ADD1: variants seen among roughly 807,000 people sequenced by gnomAD.
ADD1 encodes the protein adducin 1, also known as alpha-adducin.
In ADD1, 24 loss-of-function variants were observed where a neutral mutation model predicts 80.5. The observed-to-expected ratio is 0.30, with a 90% CI of 0.22 to 0.42. ADD1 has a LOEUF of 0.42. Among genes scored for constraint, ADD1 ranks in the 10% least tolerant of loss-of-function variants. The pLI is 1.00. For synonymous variants in ADD1, 373 were observed against 393.8 expected, an observed-to-expected ratio of 0.95 and a Z score of 0.63; for missense variants, 948 against 1,019.0, an observed-to-expected ratio of 0.93 and a Z score of 0.95.
At chr4:2,852,329 C>CTT (rs869236781) in intron 1 of ADD1, among the ~76,000 whole-genome samples, 6 of 44,668 alleles carry the variant, frequency 1.3e-4, no homozygotes, top group Non-Finnish European at 2.1e-4. Context: ...TCTTTTCTTT[C>CTT]TTTTTTTTTT....
At chr4:2,877,783 G>A (rs951639182) in intron 2 of ADD1, among the ~76,000 whole-genome samples, 1 of 152,240 alleles carries the variant, frequency 6.6e-6, no homozygotes, top group East Asian at 1.9e-4. Flanking sequence ...CCAGGAGTTC[G>A]AGACCAGCCT....
intron 9 of ADD1, 125 bp downstream of exon 9, chr4:2,899,560 TGAA>T: frequency 9.5e-7 from 1 of 1,047,338 alleles, no homozygotes; most frequent in African/African-American, 1.6e-5. Context: ...TTCAAAGTCA[TGAA>T]GAAGCACTAG....
At chr4:2,928,071 A>G (rs1712195094) in intron 15 of ADD1, 100 bp from the exon 16 acceptor site, 2 of 1,055,306 alleles carry the variant, frequency 1.9e-6, no homozygotes, top group Non-Finnish European at 1.4e-6. Flanking sequence ...CTGTAGAGTA[A>G]AATAAAATGG....
intron 10 of ADD1, among the ~76,000 whole-genome samples, chr4:2,906,201 C>T (rs36086016): frequency 6.6e-6 from 1 of 152,166 alleles, no homozygotes; most frequent in Non-Finnish European, 1.5e-5. Context: ...GAGAAGCCTC[C>T]GTGCTCCTGA....
At chr4:2,876,618 C>T (rs747587317) in intron 2 of ADD1, among the ~76,000 whole-genome samples, 6 of 151,924 alleles carry the variant, frequency 3.9e-5, no homozygotes, top group African/African-American at 7.3e-5. Context: ...GGGTGGATCA[C>T]GAGGTCAGGA....
chr4:2,890,738 G>A (rs930312337), intron 4 of ADD1, among the ~76,000 whole-genome samples: 3 of 152,050 alleles, frequency 2.0e-5, no homozygotes, highest in Non-Finnish European at 2.9e-5. Flanking sequence ...TAAGCTAATT[G>A]ATAGATACAT....
intron 1 of ADD1, among the ~76,000 whole-genome samples, chr4:2,852,181 T>TTTCTTC (rs1560138062): frequency 1.8e-5 from 1 of 55,862 alleles, no homozygotes; most frequent in South Asian, 7.7e-4. Flanking sequence ...TTTCTTTCTT[T>TTTCTTC]CTTTCTTTCT....
chr4:2,848,305 T>C (rs1034360779), intron 1 of ADD1, among the ~76,000 whole-genome samples: 5 of 152,122 alleles, frequency 3.3e-5, no homozygotes, highest in African/African-American at 1.2e-4. Context: ...CCTTTCTACA[T>C]TGAGGAACCT....
intron 2 of ADD1, among the ~76,000 whole-genome samples, chr4:2,877,898 C>T (rs936710516): frequency 1.3e-5 from 2 of 152,194 alleles, no homozygotes; most frequent in Non-Finnish European, 2.9e-5. Flanking sequence ...ATCACTCAAG[C>T]TGAGGCTGCA....
chr4:2,862,264 G>T (rs572903996), intron 1 of ADD1, among the ~76,000 whole-genome samples: 1 of 152,180 alleles, frequency 6.6e-6, no homozygotes, highest in African/African-American at 2.4e-5. Flanking sequence ...AAGTGAATGC[G>T]CTCAGAAGGA....
intron 4 of ADD1, among the ~76,000 whole-genome samples, chr4:2,885,797 A>T (rs1242713845): frequency 6.6e-6 from 1 of 151,920 alleles, no homozygotes; most frequent in East Asian, 1.9e-4. Context: ...TTTTTAGTAG[A>T]GACGGGGTTT....
intron 11 of ADD1, 99 bp downstream of exon 11, chr4:2,907,943 A>C: frequency 2.2e-6 from 2 of 912,694 alleles, no homozygotes; most frequent in East Asian, 2.4e-5. Context: ...AGCAGAGGGC[A>C]TCTGCTGTTG....
chr4:2,922,545 C>A (rs563900747), intron 14 of ADD1, among the ~76,000 whole-genome samples: 1 of 152,362 alleles, frequency 6.6e-6, no homozygotes, highest in South Asian at 2.1e-4. Context: ...CAGATGCCAG[C>A]TGGAGCTCTC....
chr4:2,892,424 T>TG (rs1188457476), intron 4 of ADD1, among the ~76,000 whole-genome samples: 1 of 152,188 alleles, frequency 6.6e-6, no homozygotes, highest in African/African-American at 2.4e-5. Flanking sequence ...AGCATATGCT[T>TG]GATGCATAGT....
chr4:2,915,129 G>A, intron 14 of ADD1, 89 bp downstream of exon 14: 1 of 1,405,898 alleles, frequency 7.1e-7, no homozygotes, highest in Non-Finnish European at 9.5e-7. Context: ...GCTGTGGGTG[G>A]TGATAAGAAT....
At chr4:2,915,779 G>A (rs1026100402) in intron 14 of ADD1, among the ~76,000 whole-genome samples, 6 of 152,174 alleles carry the variant, frequency 3.9e-5, no homozygotes, top group Non-Finnish European at 8.8e-5. Flanking sequence ...AGCCGAGATC[G>A]TGCCATTGCA....
At chr4:2,874,604 CA>C (rs576430508) in intron 1 of ADD1, among the ~76,000 whole-genome samples, 29,559 of 97,850 alleles carry the variant, frequency 0.3, 3,205 homozygotes, top group Middle Eastern at 0.42. Context: ...GAGACTGTCT[CA>C]AAAAAAAAAA....
Position 2,884,032 on chromosome 4 carries a change from A to G in ADD1, c.359-483A>G, listed in dbSNP as rs149738719. ...TCTGGCTAGAGGTTTATCTTATTTT[A>G]TTATTTGTATTTTATTTTTAAACTT... On this transcript the variant is annotated intron_variant, in intron 3 of 15. Coordinates refer to ENST00000683351, the MANE Select transcript of ADD1 (RefSeq NM_001354761.2). Among the ~76,000 whole-genome samples the G allele has an allele frequency of 3.4e-3, 517 of 152,174 alleles. 1 individual carries two copies. The highest frequency in any genetic ancestry group is 0.012 in the African/African-American group (501 of 41,536).
At chr4:2,868,856 A>G (rs1382136383) in intron 1 of ADD1, among the ~76,000 whole-genome samples, 3 of 152,154 alleles carry the variant, frequency 2.0e-5, no homozygotes, top group Non-Finnish European at 2.9e-5. Flanking sequence ...ACCTTCATAG[A>G]GCGGGAAGCA....
Sources: allele counts gnomAD v4.1 joint callset (sites outside exome capture counted in the v4.1 genomes callset), GRCh38; gene constraint gnomAD v4.1.1; transcripts MANE v1.5; gene names NCBI Gene and HGNC (gene_info 2026-07-23, HGNC 2026-07-21).